The following TENM3 variants were observed in gnomAD, a reference collection of about 807,000 sequenced individuals.
TENM3 encodes teneurin-3.
Under a neutral mutation model 255.1 loss-of-function variants are expected in TENM3, and 63 were observed. That is an observed-to-expected ratio of 0.25 (90% CI 0.20 to 0.30). The LOEUF (loss-of-function observed/expected upper bound fraction) is 0.30, where lower values mean the gene tolerates loss of function less well. TENM3 is among the 10% of genes least tolerant of loss of function. TENM3 has a pLI of 1.00. For synonymous variants in TENM3, 1,306 were observed against 1,322.3 expected, an observed-to-expected ratio of 0.99 and a Z score of 0.27; for missense variants, 2,929 against 3,461.1, an observed-to-expected ratio of 0.85 and a Z score of 3.86.
In TENM3 at chr4:182,332,576, C is replaced by T. The variant is rs189329391; in HGVS notation, c.232+8324C>T. Among the ~76,000 whole-genome samples the T allele has an allele frequency of 1.7e-3, 262 of 152,036 alleles. 2 individuals are homozygous for T. Among genetic ancestry groups the T allele is most frequent in the African/African-American group, 5.9e-3 (245 of 41,504 alleles). ...GGGCGTGGTGGTGGGCGCCTGTAAT[C>T]CCAGCTACTTGGGAGGCTGGGGCAG... On this transcript the variant is annotated intron_variant, in intron 2 of 27. Transcript: ENST00000511685.
At chr4:181,824,534 G>C in the TENM3 span, among the ~76,000 whole-genome samples, 7 of 152,136 alleles carry the variant, frequency 4.6e-5, no homozygotes, top group Admixed American at 4.6e-4. Context: ...AACTGTCCAC[G>C]TCTAAAACCA....
the TENM3 span, among the ~76,000 whole-genome samples, chr4:181,630,083 G>T: frequency 9.2e-5 from 14 of 152,302 alleles, no homozygotes; most frequent in African/African-American, 2.4e-4. Flanking sequence ...TATGTGTCGA[G>T]GAATTTATCC....
chr4:181,452,212 G>T, the TENM3 span, among the ~76,000 whole-genome samples: 1 of 152,216 alleles, frequency 6.6e-6, no homozygotes, highest in African/African-American at 2.4e-5. Context: ...ATAAAGAATA[G>T]AATTGACAAA....
chr4:181,868,511 T>C, the TENM3 span, among the ~76,000 whole-genome samples: 5 of 152,332 alleles, frequency 3.3e-5, no homozygotes, highest in East Asian at 9.7e-4. Flanking sequence ...AAACATCACC[T>C]GTTTTAATCG....
Position 182,754,534 on chromosome 4 carries a change from G to A in TENM3, c.4167G>A (p.Val1389=), listed in dbSNP as rs1762591150. 5 of 1,613,814 alleles carry A rather than the reference G, an allele frequency of 3.1e-6. No individual in the cohort carries two copies. The highest frequency in any genetic ancestry group is 3.4e-6 in the Non-Finnish European group (4 of 1,179,866). The change falls in exon 22 of 28, where the codon GTG becomes GTA. Residue 1389 remains valine, a synonymous_variant. Coordinates refer to ENST00000511685, the MANE Select transcript of TENM3 (RefSeq NM_001080477.4). This position sits in a 1 kb window ranked among gnomAD's most constrained non-coding sequence, Gnocchi z 5.1. ...GRPMHCQVPG[V]EYPVGKHAVQ... ...CCATGCACTGTCAGGTTCCCGGAGT[G>A]GAATATCCTGTGGGGAAGCACGCGG...
intron 1 of TENM3, among the ~76,000 whole-genome samples, chr4:182,254,731 T>C (rs577275347): frequency 6.6e-6 from 1 of 152,352 alleles, no homozygotes; most frequent in African/African-American, 2.4e-5. Context: ...CTTGAACTTT[T>C]GGATGGCAGT....
intron 3 of TENM3, among the ~76,000 whole-genome samples, chr4:182,398,459 T>C (rs1769001534): frequency 6.6e-6 from 1 of 152,224 alleles, no homozygotes; most frequent in Admixed American, 6.5e-5. Context: ...ACAGTGTTTG[T>C]TGACTGACTG....
the TENM3 span, among the ~76,000 whole-genome samples, chr4:181,608,943 G>C: frequency 6.6e-6 from 1 of 152,140 alleles, no homozygotes. Context: ...CTGTTTTGGG[G>C]GTTTCCAAAG....
chr4:182,260,084 CTGAG>C (rs1326684977), intron 1 of TENM3, among the ~76,000 whole-genome samples: 1 of 152,164 alleles, frequency 6.6e-6, no homozygotes, highest in Non-Finnish European at 1.5e-5. Flanking sequence ...ATTTTTATGA[CTGAG>C]TAATATTCCA....
chr4:182,666,919 A>G (rs1186788117), intron 6 of TENM3, among the ~76,000 whole-genome samples: 2 of 152,078 alleles, frequency 1.3e-5, no homozygotes, highest in East Asian at 3.9e-4. Flanking sequence ...AAAGGAAATA[A>G]TGCTATTGCA....
At chr4:182,787,631 G>C (rs1382492657) in intron 24 of TENM3, among the ~76,000 whole-genome samples, 1 of 151,490 alleles carries the variant, frequency 6.6e-6, no homozygotes, top group African/African-American at 2.4e-5. Flanking sequence ...CTACTCGGGA[G>C]GCTGAGGCAG....
chr4:182,747,559 A>T (rs1561194320), intron 19 of TENM3, among the ~76,000 whole-genome samples: 1 of 152,172 alleles, frequency 6.6e-6, no homozygotes, highest in Non-Finnish European at 1.5e-5. Flanking sequence ...CCCCTTTAAT[A>T]TGTAGTAAGT....
chr4:181,538,915 G>A, the TENM3 span, among the ~76,000 whole-genome samples: 17 of 152,256 alleles, frequency 1.1e-4, no homozygotes, highest in Non-Finnish European at 1.9e-4. Flanking sequence ...GTTTAATTAT[G>A]AAGATTACAC....
the TENM3 span, among the ~76,000 whole-genome samples, chr4:181,522,224 T>C: frequency 6.7e-6 from 1 of 149,500 alleles, no homozygotes; most frequent in African/African-American, 2.5e-5. Context: ...CATGTTATAC[T>C]CAACAAAATT....
At chr4:182,489,042 T>C (rs1022530274) in intron 3 of TENM3, among the ~76,000 whole-genome samples, 3 of 152,192 alleles carry the variant, frequency 2.0e-5, no homozygotes, top group Non-Finnish European at 4.4e-5. Context: ...ATGATTTTAT[T>C]ACTTTCTTGA....
chr4:181,568,162 CTTT>C, the TENM3 span, among the ~76,000 whole-genome samples: 3,353 of 127,980 alleles, frequency 0.026, 104 homozygotes, highest in African/African-American at 0.09. Context: ...CCAACTAATA[CTTT>C]TTTTTTTTTT....
chr4:182,420,431 A>G (rs1770740760), intron 3 of TENM3, among the ~76,000 whole-genome samples: 1 of 152,068 alleles, frequency 6.6e-6, no homozygotes, highest in Non-Finnish European at 1.5e-5. Flanking sequence ...CACGAACTAC[A>G]CTGGTGAAGA....
At chr4:182,390,841 T>A (rs914835760) in intron 3 of TENM3, among the ~76,000 whole-genome samples, 1 of 152,158 alleles carries the variant, frequency 6.6e-6, no homozygotes, top group Non-Finnish European at 1.5e-5. Flanking sequence ...TACTTACATG[T>A]CCCACTTGAT....
Position 182,792,323 on chromosome 4 carries a change from A to G in TENM3, c.5651A>G (p.Asp1884Gly), listed in dbSNP as rs144829403. ...CAGCGGCAGTACATCTTCGAATACGATATGTGGGACCGCCTGTCTGCCATC... is the reference window on the plus strand; with the variant it reads ...CAGCGGCAGTACATCTTCGAATACGGTATGTGGGACCGCCTGTCTGCCATC... ...HSQRQYIFEY[D>G]MWDRLSAITM... Residue 1884 changes from aspartate to glycine, a missense_variant, in exon 26 of 28, where the codon GAT becomes GGT. Asp to Gly is a moderately conservative substitution (Grantham distance 94, BLOSUM62 -1). Around this residue, in one of 6 missense-constraint regions of TENM3, gnomAD observed 303 missense variants for 425.2 expected, o/e 0.71. Coordinates refer to ENST00000511685, the MANE Select transcript of TENM3 (RefSeq NM_001080477.4). This position sits in a 1 kb window ranked among gnomAD's most constrained non-coding sequence, Gnocchi z 6.3. The G allele has an allele frequency of 4.9e-5, 79 of 1,613,948 alleles. No individual in the cohort carries two copies. The African/African-American group carries it at 8.4e-4, about 17-fold the overall frequency.
Sources: gnomAD v4.1 joint callset for allele counts (sites outside exome capture counted in the v4.1 genomes callset) on GRCh38, gnomAD v4.1.1 for gene constraint, gnomAD v4.1.1 regional missense constraint, Gnocchi (gnomAD v3.1) non-coding constraint, MANE v1.5 for transcripts, NCBI Gene and HGNC (gene_info 2026-07-23, HGNC 2026-07-21) for gene names.